Variants in BCAR3 observed in about 807,000 individuals in gnomAD.
BCAR3 encodes the protein BCAR3 adaptor protein, NSP family member, also known as breast cancer anti-estrogen resistance protein 3.
In BCAR3, 37 loss-of-function variants were observed where a neutral mutation model predicts 80.1. The ratio of observed to expected loss-of-function variants is 0.46; its 90% CI spans 0.36 to 0.61. BCAR3 has a LOEUF of 0.61. BCAR3 is among the 20% of genes least tolerant of loss of function. The pLI is 0.00. For synonymous variants in BCAR3, 389 were observed against 418.9 expected, an observed-to-expected ratio of 0.93 and a Z score of 0.87; for missense variants, 978 against 1,068.2, an observed-to-expected ratio of 0.92 and a Z score of 1.18.
At chr1:93,616,930 C>T (rs1675146286) in intron 3 of BCAR3, among the ~76,000 whole-genome samples, 1 of 152,236 alleles carries the variant, frequency 6.6e-6, no homozygotes, top group Admixed American at 6.5e-5. Context: ...GTGATTAAAG[C>T]CATGGCTGGG....
chr1:93,842,062 C>G (rs1323192317), intron 2 of BCAR3, among the ~76,000 whole-genome samples: 1 of 152,092 alleles, frequency 6.6e-6, no homozygotes, highest in Admixed American at 6.6e-5. Flanking sequence ...TAATCTTTCT[C>G]TTCCCTGAAG....
At chr1:93,728,683 G>A (rs1457986122) in intron 2 of BCAR3, among the ~76,000 whole-genome samples, 3 of 152,190 alleles carry the variant, frequency 2.0e-5, no homozygotes, top group Non-Finnish European at 4.4e-5. Flanking sequence ...TCAATGGCCT[G>A]CAGGCATGCC....
chr1:93,830,548 C>T (rs1022001820), intron 2 of BCAR3, among the ~76,000 whole-genome samples: 5 of 152,038 alleles, frequency 3.3e-5, no homozygotes, highest in Non-Finnish European at 5.9e-5. Flanking sequence ...TCTTCTGATC[C>T]CCGCCCCTGC....
intron 3 of BCAR3, among the ~76,000 whole-genome samples, chr1:93,593,520 T>G (rs1280813553): frequency 6.6e-6 from 1 of 151,530 alleles, no homozygotes; most frequent in Non-Finnish European, 1.5e-5. Flanking sequence ...AACAGGCACG[T>G]GCCACCATGC....
intron 4 of BCAR3, among the ~76,000 whole-genome samples, chr1:93,590,612 G>C (rs188817203): frequency 1.2e-4 from 19 of 152,254 alleles, no homozygotes; most frequent in African/African-American, 4.3e-4. Context: ...AATTTTTCTG[G>C]AACATTCCAA....
intron 2 of BCAR3, among the ~76,000 whole-genome samples, chr1:93,793,640 G>T: frequency 7.8e-5 from 1 of 12,836 alleles, no homozygotes. Flanking sequence ...AGGGTTTTTT[G>T]TGTCTCTATT....
chr1:93,591,264 C>T (rs1302682607), intron 4 of BCAR3, among the ~76,000 whole-genome samples: 1 of 148,280 alleles, frequency 6.7e-6, no homozygotes, highest in Non-Finnish European at 1.5e-5. Flanking sequence ...CACTTGAGGG[C>T]AGGAGTTCGA....
At chr1:93,614,565 G>A (rs1165401633) in intron 3 of BCAR3, among the ~76,000 whole-genome samples, 2 of 152,096 alleles carry the variant, frequency 1.3e-5, no homozygotes, top group African/African-American at 4.8e-5. Context: ...CTCCAGAGCT[G>A]TTTATTTTTA....
chr1:93,637,059 G>A (rs762414600), intron 3 of BCAR3, among the ~76,000 whole-genome samples: 1 of 152,128 alleles, frequency 6.6e-6, no homozygotes, highest in East Asian at 1.9e-4. Context: ...TCCTGCTACT[G>A]CACTCCAGCC....
intron 2 of BCAR3, among the ~76,000 whole-genome samples, chr1:93,709,641 C>A (rs1282992670): frequency 6.6e-6 from 1 of 152,100 alleles, no homozygotes; most frequent in African/African-American, 2.4e-5. Context: ...GTCCTTGGAA[C>A]AGCAAGAAGG....
At chr1:93,762,942 T>C (rs568551539) in intron 2 of BCAR3, among the ~76,000 whole-genome samples, 90 of 152,358 alleles carry the variant, frequency 5.9e-4, no homozygotes, top group Middle Eastern at 3.4e-3. Flanking sequence ...GACCACTCCT[T>C]GCCTGTTCTT....
intron 2 of BCAR3, among the ~76,000 whole-genome samples, chr1:93,754,909 G>A (rs1232127539): frequency 1.4e-4 from 21 of 152,144 alleles, no homozygotes; most frequent in Admixed American, 1.4e-3. Context: ...CCAGAAGAAG[G>A]TACTGTTATC....
intron 2 of BCAR3, among the ~76,000 whole-genome samples, chr1:93,735,393 T>C (rs997023054): frequency 2.6e-5 from 4 of 152,234 alleles, no homozygotes; most frequent in African/African-American, 9.6e-5. Flanking sequence ...CTCAAAGCCG[T>C]GAGCTCTGTC....
At chr1:93,649,254 A>T (rs1421045032) in intron 2 of BCAR3, among the ~76,000 whole-genome samples, 1 of 152,134 alleles carries the variant, frequency 6.6e-6, no homozygotes, top group Admixed American at 6.5e-5. Flanking sequence ...GGGTTGGGGG[A>T]CATCTTGAGT....
chr1:93,809,542 C>A (rs1232229535), intron 2 of BCAR3, among the ~76,000 whole-genome samples: 1 of 151,552 alleles, frequency 6.6e-6, no homozygotes. Context: ...CCGAGGTGGG[C>A]GGATCACCTG....
intron 2 of BCAR3, among the ~76,000 whole-genome samples, chr1:93,720,601 G>A (rs571137419): frequency 1.3e-5 from 2 of 152,286 alleles, no homozygotes; most frequent in East Asian, 3.9e-4. Flanking sequence ...CCGGTGCTGC[G>A]ACTGCCTCCT....
At chr1:93,767,938 G>A (rs1292288859) in intron 2 of BCAR3, among the ~76,000 whole-genome samples, 1 of 152,096 alleles carries the variant, frequency 6.6e-6, no homozygotes, top group Non-Finnish European at 1.5e-5. Context: ...GGTTACAAAA[G>A]CACATATTTC....
chr1:93,608,287 A>G (rs2101875402), intron 3 of BCAR3, among the ~76,000 whole-genome samples: 1 of 152,366 alleles, frequency 6.6e-6, no homozygotes, highest in Middle Eastern at 3.4e-3. Context: ...CTGAGGCCAG[A>G]GATGGTGTCC....
chr1:93,605,113 C>A (rs1674737581), intron 3 of BCAR3, among the ~76,000 whole-genome samples: 1 of 152,166 alleles, frequency 6.6e-6, no homozygotes, highest in Non-Finnish European at 1.5e-5. Flanking sequence ...CCGTCTAGAT[C>A]AAATTTAGAT....
Sources: gnomAD v4.1 joint callset for allele counts (sites outside exome capture counted in the v4.1 genomes callset) on GRCh38, gnomAD v4.1.1 for gene constraint, MANE v1.5 for transcripts, NCBI Gene and HGNC (gene_info 2026-07-23, HGNC 2026-07-21) for gene names.